The following AKAP6 variants were observed in gnomAD, a reference collection of about 807,000 sequenced individuals.
AKAP6 encodes A-kinase anchoring protein 6.
In AKAP6, 58 loss-of-function variants were observed where a neutral mutation model predicts 188.5. That is an observed-to-expected ratio of 0.31 (90% confidence interval 0.25 to 0.38). AKAP6 has a LOEUF of 0.38. AKAP6 is among the 10% of genes least tolerant of loss of function. The pLI is 1.00. For synonymous variants in AKAP6, 989 were observed against 998.6 expected (o/e 0.99, Z 0.18); for missense variants, 2,710 against 2,740.0 (o/e 0.99, Z 0.24).
At chr14:32,355,683 G>A (rs1047408583) in intron 1 of AKAP6, among the ~76,000 whole-genome samples, 4 of 152,088 alleles carry the variant, frequency 2.6e-5, no homozygotes, top group Admixed American at 6.5e-5. Context: ...GAGTATAAAT[G>A]CTATTTCAAG....
At chr14:32,664,139 C>T (rs1053193106) in intron 7 of AKAP6, among the ~76,000 whole-genome samples, 5 of 151,722 alleles carry the variant, frequency 3.3e-5, no homozygotes, top group African/African-American at 9.7e-5. Context: ...TGGATAGGAA[C>T]CATGACATTG....
intron 7 of AKAP6, among the ~76,000 whole-genome samples, chr14:32,639,435 A>G (rs1887662507): frequency 6.6e-6 from 1 of 152,114 alleles, no homozygotes; most frequent in South Asian, 2.1e-4. Flanking sequence ...AAATGTGTCT[A>G]TATAGCACAA....
At chr14:32,762,339 A>C (rs538220781) in intron 11 of AKAP6, among the ~76,000 whole-genome samples, 281 of 152,238 alleles carry the variant, frequency 1.8e-3, no homozygotes, top group Non-Finnish European at 3.1e-3. Flanking sequence ...ATATTGTTTT[A>C]TATGTCTGGA....
At position 32,357,471 on chromosome 14, in the gene AKAP6, T is replaced by C. The variant is rs1045463699; in HGVS notation, c.-35+28063T>C. Among the ~76,000 whole-genome samples the C allele has an allele frequency of 4.6e-5, 7 of 152,212 alleles. No individual in the cohort carries two copies. The South Asian group carries it at 1.0e-3, about 23-fold the overall frequency. On this transcript the variant is annotated intron_variant, in intron 1 of 13. Transcript: ENST00000280979. ...TTTTCTCCCATATCACATCTATAAA[T>C]GTTTATCGAGTTGAGGTTAGATTTA... is the stretch of plus-strand genomic sequence containing the variant.
Position 32,695,855 on chromosome 14 carries a change from A to T in AKAP6, c.2880-135A>T, listed in dbSNP as rs1890380877. ...TTTCTATTTTGCCCAGTGTGTAACA[A>T]CATAGAAATTTTCTCTTCTCTTATT... On this transcript the variant is annotated intron_variant, in intron 8 of 13. Coordinates refer to ENST00000280979, the MANE Select transcript of AKAP6 (RefSeq NM_004274.5). 6.3e-6 allele frequency: 7 copies of T among 1,119,640 alleles called. No homozygotes were observed. The East Asian group carries it at 2.1e-4, about 33-fold the overall frequency. The allele number at this position is 1,119,640 out of a possible 1,614,324, so 69.4% of individuals were successfully genotyped here.
intron 13 of AKAP6, among the ~76,000 whole-genome samples, chr14:32,826,879 C>T (rs1420094413): frequency 2.6e-5 from 4 of 152,078 alleles, no homozygotes; most frequent in East Asian, 3.9e-4. Context: ...GGCCTTATCT[C>T]GGGCAAAGGG....
intron 1 of AKAP6, among the ~76,000 whole-genome samples, chr14:32,418,597 A>C (rs192846460): frequency 4.6e-5 from 7 of 152,308 alleles, no homozygotes; most frequent in African/African-American, 1.7e-4. Context: ...AATTTTAAAA[A>C]AAATCTTGTT....
chr14:32,555,138 G>A (rs1883634190), intron 4 of AKAP6, among the ~76,000 whole-genome samples: 1 of 152,168 alleles, frequency 6.6e-6, no homozygotes, highest in Admixed American at 6.6e-5. Context: ...TTGGACTCAT[G>A]GCAGCAAATA....
chr14:32,478,803 G>A (rs1258322595), intron 2 of AKAP6, among the ~76,000 whole-genome samples: 2 of 152,162 alleles, frequency 1.3e-5, no homozygotes, highest in Non-Finnish European at 2.9e-5. Flanking sequence ...AAGAGAAAAT[G>A]GTTAGTGTGA....
At chr14:32,677,713 T>C (rs1224027527) in intron 7 of AKAP6, among the ~76,000 whole-genome samples, 1 of 152,242 alleles carries the variant, frequency 6.6e-6, no homozygotes, top group Non-Finnish European at 1.5e-5. Context: ...ACCTCTCCTT[T>C]ACTACAGTGA....
At chr14:32,815,371 G>A (rs914739400) in intron 12 of AKAP6, among the ~76,000 whole-genome samples, 11 of 152,188 alleles carry the variant, frequency 7.2e-5, no homozygotes, top group African/African-American at 2.7e-4. Context: ...CTGATAGATA[G>A]TGAGCAGGAT....
rs557378014 is a variant in AKAP6, at chr14:32,609,427, G to A, written c.2730+8635G>A. 1.2e-3 allele frequency among the ~76,000 whole-genome samples: 189 copies of A among 152,258 alleles called. 1 individual carries two copies. Among genetic ancestry groups the A allele is most frequent in the Non-Finnish European group, 2.3e-3 (156 of 68,020 alleles). ...TAGCTCCCACTGTGCCTAAATGAAGGTTTATGTTTCTCAGGAAACATTAAC... is the reference window on the plus strand; with the variant it reads ...TAGCTCCCACTGTGCCTAAATGAAGATTTATGTTTCTCAGGAAACATTAAC... On this transcript the variant is annotated intron_variant, in intron 7 of 13. Transcript: ENST00000280979.
intron 9 of AKAP6, among the ~76,000 whole-genome samples, chr14:32,711,938 A>AT (rs1268837891): frequency 6.6e-6 from 1 of 151,906 alleles, no homozygotes; most frequent in Non-Finnish European, 1.5e-5. Context: ...CAACTTCAGT[A>AT]TTTTCTCTTT....
intron 7 of AKAP6, among the ~76,000 whole-genome samples, chr14:32,634,870 GTTTTC>G (rs1324371637): frequency 6.6e-6 from 1 of 151,932 alleles, no homozygotes; most frequent in African/African-American, 2.4e-5. Context: ...ACTGGGATTA[GTTTTC>G]TTTTCTTTTT....
At chr14:32,758,850 G>A (rs2032439565) in intron 11 of AKAP6, among the ~76,000 whole-genome samples, 1 of 152,134 alleles carries the variant, frequency 6.6e-6, no homozygotes, top group Non-Finnish European at 1.5e-5. Flanking sequence ...AAACACATAT[G>A]ACAACAGACC....
intron 3 of AKAP6, among the ~76,000 whole-genome samples, chr14:32,537,106 G>T (rs1882717980): frequency 6.6e-6 from 1 of 152,262 alleles, no homozygotes; most frequent in East Asian, 1.9e-4. Flanking sequence ...AAACAAATCT[G>T]TGCCTATTCT....
intron 8 of AKAP6, among the ~76,000 whole-genome samples, chr14:32,694,382 C>G (rs35990379): frequency 2.0e-5 from 3 of 147,028 alleles, no homozygotes; most frequent in African/African-American, 2.5e-5. Context: ...CAAAAAAAAG[C>G]GTGGTCCATG....
chr14:32,743,233 C>T (rs982397535), intron 11 of AKAP6, among the ~76,000 whole-genome samples: 3 of 152,084 alleles, frequency 2.0e-5, no homozygotes, highest in African/African-American at 7.2e-5. Flanking sequence ...TTTTCTGTCC[C>T]TATACTTTCA....
At chr14:32,688,800 A>G (rs1451263998) in intron 8 of AKAP6, among the ~76,000 whole-genome samples, 1 of 152,188 alleles carries the variant, frequency 6.6e-6, no homozygotes, top group African/African-American at 2.4e-5. Flanking sequence ...CTTGTAGTCC[A>G]AGCATAGCAC....
Sources: gnomAD v4.1 joint callset for allele counts (sites outside exome capture counted in the v4.1 genomes callset) on GRCh38, gnomAD v4.1.1 for gene constraint, MANE v1.5 for transcripts, NCBI Gene and HGNC (gene_info 2026-07-23, HGNC 2026-07-21) for gene names.